LAMB1: variants seen among roughly 807,000 people sequenced by gnomAD.
LAMB1 encodes the protein laminin subunit beta-1.
LAMB1 carries 121 observed loss-of-function variants against 222.3 expected under a neutral mutation model. The observed-to-expected ratio is 0.54, with a 90% CI of 0.47 to 0.63. LAMB1 has a LOEUF of 0.63. Ranked by LOEUF, LAMB1 falls within the 30% of genes least tolerant of loss-of-function variation. LAMB1 has a pLI of 0.00. For missense variants in LAMB1, 2,172 were observed against 2,240.8 expected (o/e 0.97, Z 0.62); for synonymous variants, 794 against 807.2 (o/e 0.98, Z 0.28).
At chr7:107,989,027 A>T (rs1011542578) in intron 5 of LAMB1, among the ~76,000 whole-genome samples, 3 of 152,226 alleles carry the variant, frequency 2.0e-5, no homozygotes, top group Non-Finnish European at 4.4e-5. Context: ...TGCTAGTTAC[A>T]GGCAGAGCTT....
chr7:107,959,791 A>C lies in LAMB1; in HGVS notation c.2358T>G (p.Asp786Glu). Reference sequence around the variant, plus strand: ...GGCACTGGCACTGGCCTCCGTTGGGATCACACACGGAACTTAACGAACCCT... The same window carrying C: ...GGCACTGGCACTGGCCTCCGTTGGGCTCACACACGGAACTTAACGAACCCT... ...DPQGSLSSVC[D>E]PNGGQCQCRP... Residue 786 changes from aspartate to glutamate, a missense_variant, in exon 19 of 34, where the codon GAT (aspartate) becomes GAG (glutamate). Transcript: ENST00000222399. 8 of 1,614,010 alleles carry C rather than the reference A, an allele frequency of 5.0e-6. No homozygotes were observed. Among genetic ancestry groups the C allele is most frequent in the Non-Finnish European group, 6.8e-6 (8 of 1,179,954 alleles).
At chr7:107,932,716 T>C (rs2032743585) in intron 27 of LAMB1, 1 of 297,882 alleles carries the variant, frequency 3.4e-6, no homozygotes, top group Admixed American at 4.4e-5. Flanking sequence ...CCTTTTTTTC[T>C]AACCAGTTAG....
At chr7:107,950,923 G>GGTGT (rs57060477) in intron 24 of LAMB1, among the ~76,000 whole-genome samples, 24,961 of 147,682 alleles carry the variant, frequency 0.17, 2,136 homozygotes, top group Middle Eastern at 0.21. Context: ...GTGTATTTGT[G>GGTGT]GTGTGTGTGT....
Position 107,951,999 on chromosome 7 carries a change from A to AGCC in LAMB1, c.3294+7_3294+9dup, listed in dbSNP as rs2033261420. ...TCATAAAGGCATCATCCCCAGCAGC[A>AGCC]GCCCCTCACCTCATTGCAAGATGGC... is the stretch of plus-strand genomic sequence containing the variant. On this transcript the variant is annotated intron_variant, in intron 23 of 33. Transcript: ENST00000222399. The AGCC allele has an allele frequency of 6.2e-7, 1 of 1,600,406 alleles. No individual in the cohort carries two copies. Among genetic ancestry groups the AGCC allele is most frequent in the Non-Finnish European group, 8.5e-7 (1 of 1,170,462 alleles).
rs571568559 is a variant in LAMB1 at position 107,933,509 on chromosome 7, A to G, written c.4189-1132T>C. Among the ~76,000 whole-genome samples, 9 of 152,294 alleles carry G rather than the reference A, an allele frequency of 5.9e-5. No individual in the cohort carries two copies. In the South Asian group the frequency reaches 1.9e-3, roughly 32 times the overall value. On this transcript the variant is annotated intron_variant, in intron 27 of 33. Coordinates refer to ENST00000222399, the MANE Select transcript of LAMB1 (RefSeq NM_002291.3). ...CTGCATGCTGTAAAACATGAGTCTT[A>G]AGAACATAAGTGTAAAACCTCGGTT...
rs1272354203 is a variant in LAMB1, at chr7:107,924,366, T to G, written c.5088A>C (p.Glu1696Asp). 6.2e-7 allele frequency: 1 copy of G among 1,609,094 alleles called. No individual in the cohort carries two copies. ...VKKTLDGELDEKYKKVENLIA... is the reference protein window; with the variant it reads ...VKKTLDGELDDKYKKVENLIA... ...TTAAATTTTCTACTTTTTTATACTTTTCATCAAGTTCACCATCTAAAGTCT... is the reference window on the plus strand; with the variant it reads ...TTAAATTTTCTACTTTTTTATACTTGTCATCAAGTTCACCATCTAAAGTCT... The change falls in exon 33 of 34, where the codon GAA becomes GAC. Residue 1696 changes from glutamate (E) to aspartate (D), a missense_variant. Glu to Asp is a conservative substitution (Grantham distance 45, BLOSUM62 2). Transcript: ENST00000222399.
chr7:107,990,873 G>C (rs1394199771), intron 5 of LAMB1, among the ~76,000 whole-genome samples: 1 of 152,170 alleles, frequency 6.6e-6, no homozygotes, highest in East Asian at 1.9e-4. Context: ...GCAGGAAAAG[G>C]CTCCCTCCTA....
chr7:107,976,710 A>G (rs2033863877), intron 9 of LAMB1, among the ~76,000 whole-genome samples: 1 of 152,186 alleles, frequency 6.6e-6, no homozygotes, highest in Non-Finnish European at 1.5e-5. Context: ...TGAACCTTGG[A>G]GTAATCCTTC....
chr7:107,955,742 G>A (rs2033362402), intron 20 of LAMB1, 112 bp from the exon 21 acceptor site: 2 of 956,372 alleles, frequency 2.1e-6, no homozygotes, highest in Admixed American at 3.2e-5. Context: ...CACTCCTCAT[G>A]TTTTCTTTGA....
intron 27 of LAMB1, 183 bp downstream of exon 27, chr7:107,935,232 T>C: frequency 1.2e-6 from 1 of 816,158 alleles, no homozygotes. Flanking sequence ...TTTTAATCTG[T>C]CTTGGTTACA....
rs1231775490 is a variant in LAMB1 at position 107,923,975 on chromosome 7, A to T, written c.5337T>A (p.Val1779=). 6.2e-7 allele frequency: 1 copy of T among 1,609,970 alleles called. No homozygotes were observed. The highest frequency in any genetic ancestry group is 1.7e-4 in the Middle Eastern group (1 of 6,034). ...RSLLKDISQK[V]AVYSTCL is the part of the protein sequence containing the mutation. ...GTTACAAGCATGTGCTATACACAGC[A>T]ACTTTCTGGCTTATATCCTTTAGGA... Residue 1779 remains valine, a synonymous_variant, in exon 34 of 34, where the codon GTT becomes GTA. Coordinates refer to ENST00000222399, the MANE Select transcript of LAMB1 (RefSeq NM_002291.3).
chr7:107,975,341 A>G lies in LAMB1; in HGVS notation c.1262T>C (p.Leu421Pro), dbSNP rs777707544. 6 of 1,613,944 alleles carry G rather than the reference A, an allele frequency of 3.7e-6. No individual in the cohort carries two copies. Among genetic ancestry groups the G allele is most frequent in the Non-Finnish European group, 5.1e-6 (6 of 1,179,788 alleles). Residue 421 changes from leucine to proline, a missense_variant, in exon 11 of 34, where the codon CTC becomes CCC. Physicochemically the swap from Leu to Pro is moderately conservative, Grantham distance 98. Transcript: ENST00000222399. ...CDSYTDFSTG[L>P]IAGQCRCKLN... Reference sequence around the variant, plus strand: ...TTTACACCGACACTGGCCAGCAATGAGACCAGTAGAAAAATCAGTATAGCT... The same window carrying G: ...TTTACACCGACACTGGCCAGCAATGGGACCAGTAGAAAAATCAGTATAGCT...
rs907704528 is a variant in LAMB1, at chr7:107,962,936, T to G, written c.1826A>C (p.Glu609Ala). Residue 609 changes from glutamate to alanine, a missense_variant, in exon 15 of 34, where the codon GAG (glutamate) becomes GCG (alanine). By Grantham distance (107) the Glu-to-Ala change is moderately radical. Coordinates refer to ENST00000222399, the MANE Select transcript of LAMB1 (RefSeq NM_002291.3). ...CTCGTAGCGAATTAGGATGTCGTAC[T>G]CCATGGAATATGGTATGTTGTCAAT... ...FFIDNIPYSM[E>A]YDILIRYEPQ... is the part of the protein sequence containing the mutation. The G allele has an allele frequency of 9.9e-6, 16 of 1,613,872 alleles. No individual in the cohort carries two copies. The highest frequency in any genetic ancestry group is 1.3e-5 in the African/African-American group (1 of 74,872).
rs199519195 is a variant in LAMB1, at chr7:107,959,631, C to T, written c.2458+60G>A. Reference sequence around the variant, plus strand: ...AGCATCGGCTCTGCAGCAATGGAACCCTGCCACAATGGCTGAGTTAATCTG... The same window carrying T: ...AGCATCGGCTCTGCAGCAATGGAACTCTGCCACAATGGCTGAGTTAATCTG... On this transcript the variant is annotated intron_variant, in intron 19 of 33. Transcript: ENST00000222399. The T allele has an allele frequency of 9.3e-5, 150 of 1,613,986 alleles. 3 individuals are homozygous for T. The South Asian group carries it at 1.5e-3, about 16-fold the overall frequency.
At chr7:107,967,255 T>G (rs1052899767) in intron 13 of LAMB1, among the ~76,000 whole-genome samples, 8 of 152,234 alleles carry the variant, frequency 5.3e-5, no homozygotes, top group African/African-American at 1.9e-4. Flanking sequence ...CAGCTTTTAC[T>G]TCAAAATGTT....
At chr7:108,001,797 G>C (rs777444609) in intron 2 of LAMB1, 64 bp from the exon 3 acceptor site, 1 of 1,588,736 alleles carries the variant, frequency 6.3e-7, no homozygotes, top group South Asian at 1.1e-5. Context: ...CGAAAAAAAC[G>C]AACAAGCGGG....
intron 12 of LAMB1, 129 bp from the exon 13 acceptor site, chr7:107,973,200 C>G: frequency 2.6e-6 from 2 of 766,532 alleles, no homozygotes; most frequent in Non-Finnish European, 4.6e-6. Flanking sequence ...AAGCAGAAAG[C>G]CAACAAAAGG....
Position 107,975,316 on chromosome 7 carries a change from T to C in LAMB1, c.1287A>G (p.Lys429=). The C allele has an allele frequency of 6.2e-7, 1 of 1,614,074 alleles. No individual in the cohort carries two copies. Among genetic ancestry groups the C allele is most frequent in the Non-Finnish European group, 8.5e-7 (1 of 1,179,952 alleles). Residue 429 remains lysine (K), a synonymous_variant, in exon 11 of 34, where the codon AAA becomes AAG. Coordinates refer to ENST00000222399, the MANE Select transcript of LAMB1 (RefSeq NM_002291.3). The part of the protein sequence containing the change: ...TGLIAGQCRC[K]LNVEGEHCDV... ...CACAATGTTCTCCTTCCACATTTAATTTACACCGACACTGGCCAGCAATGA... is the reference window on the plus strand; with the variant it reads ...CACAATGTTCTCCTTCCACATTTAACTTACACCGACACTGGCCAGCAATGA...
In LAMB1 at chr7:108,001,578, A is replaced by T; in HGVS notation, c.193T>A (p.Cys65Ser). The T allele has an allele frequency of 6.2e-7, 1 of 1,610,190 alleles. No homozygotes were observed. Among genetic ancestry groups the T allele is most frequent in the Non-Finnish European group, 8.5e-7 (1 of 1,177,888 alleles). Residue 65 changes from cysteine (C) to serine (S), a missense_variant, in exon 3 of 34, where the codon TGT becomes AGT. By Grantham distance (112) the Cys-to-Ser change is moderately radical. Transcript: ENST00000222399. ...CTCACCTGCAAGTGGCTGACGATAC[A>T]GTAGGGTTCGGGCTTGTGCAGCCCG... The part of the protein sequence containing the change: ...TCGLHKPEPY[C>S]IVSHLQEDKK...
Sources: allele counts gnomAD v4.1 joint callset (sites outside exome capture counted in the v4.1 genomes callset), GRCh38; gene constraint gnomAD v4.1.1; transcripts MANE v1.5; gene names NCBI Gene and HGNC (gene_info 2026-07-23, HGNC 2026-07-21).